The following ADAMTS12 variants were observed in gnomAD, a reference collection of about 807,000 sequenced individuals.
ADAMTS12 encodes the protein ADAM metallopeptidase with thrombospondin type 1 motif 12, also known as A disintegrin and metalloproteinase with thrombospondin motifs 12.
ADAMTS12 carries 118 observed loss-of-function variants against 167.8 expected under a neutral mutation model. The observed-to-expected ratio is 0.70, with a 90% CI of 0.61 to 0.82. The LOEUF (loss-of-function observed/expected upper bound fraction) is 0.82, where lower values mean the gene tolerates loss of function less well. Ranked by LOEUF, ADAMTS12 falls within the 40% of genes least tolerant of loss-of-function variation. ADAMTS12 has a pLI of 0.00. For missense variants in ADAMTS12, 1,916 were observed against 1,998.8 expected (o/e 0.96, Z 0.79); for synonymous variants, 704 against 716.9 (o/e 0.98, Z 0.29).
At chr5:33,797,413 C>G (rs1447834203) in intron 2 of ADAMTS12, among the ~76,000 whole-genome samples, 1 of 125,436 alleles carries the variant, frequency 8.0e-6, no homozygotes, top group African/African-American at 2.7e-5. Flanking sequence ...TGTGTAACTG[C>G]TAGCACTTTG....
In ADAMTS12 at chr5:33,641,911, C is replaced by G; in HGVS notation, c.1617G>C (p.Glu539Asp). 1 of 1,613,752 alleles carries G rather than the reference C, an allele frequency of 6.2e-7. No homozygotes were observed. Among genetic ancestry groups the G allele is most frequent in the Non-Finnish European group, 8.5e-7 (1 of 1,179,746 alleles). ...GKCITVGKKP[E>D]SIPGGWGRWS... ...AGCGGCCCCAGCCTCCAGGAATGCTCTCTGGTTTCTTCCCCACTGTGATGC... is the reference window on the plus strand; with the variant it reads ...AGCGGCCCCAGCCTCCAGGAATGCTGTCTGGTTTCTTCCCCACTGTGATGC... The change falls in exon 11 of 24, where the codon GAG (glutamate) becomes GAC (aspartate). Residue 539 changes from glutamate (E) to aspartate (D), a missense_variant. Glu to Asp is a conservative substitution (Grantham distance 45, BLOSUM62 2). Coordinates refer to ENST00000504830, the MANE Select transcript of ADAMTS12 (RefSeq NM_030955.4).
At chr5:33,724,968 A>G (rs1442958520) in intron 3 of ADAMTS12, among the ~76,000 whole-genome samples, 1 of 152,128 alleles carries the variant, frequency 6.6e-6, no homozygotes, top group East Asian at 1.9e-4. Context: ...TATCCCTTAT[A>G]AGACCTGTCT....
chr5:33,587,176 T>C (rs1747401745), intron 18 of ADAMTS12, among the ~76,000 whole-genome samples: 1 of 152,238 alleles, frequency 6.6e-6, no homozygotes, highest in Admixed American at 6.5e-5. Context: ...AGCTGCTGTA[T>C]TTAAATGAGT....
rs367896456 is a variant in ADAMTS12, at chr5:33,527,216, C to T, written c.4757G>A (p.Arg1586Gln). 58 of 1,613,984 alleles carry T rather than the reference C, an allele frequency of 3.6e-5. No individual in the cohort carries two copies. Among genetic ancestry groups the T allele is most frequent in the Middle Eastern group, 3.3e-4 (2 of 6,084 alleles). ...ITHTQRQRRQ[R>Q]LLQKSKEL ...GAGTTCTTTTGACTTTTGGAGCAAC[C>T]GTTGCCTTCTTTGCCTTTGGGTGTG... The change falls in exon 24 of 24, where the codon CGG (arginine) becomes CAG (glutamine). Residue 1586 changes from arginine to glutamine, a missense_variant. Transcript: ENST00000504830.
intron 2 of ADAMTS12, among the ~76,000 whole-genome samples, chr5:33,834,672 C>CATCCCAT (rs1748439577): frequency 6.6e-6 from 1 of 152,206 alleles, no homozygotes; most frequent in Non-Finnish European, 1.5e-5. Context: ...TCTTAACCAC[C>CATCCCAT]ATCCCATACA....
At chr5:33,878,169 C>T (rs1409191061) in intron 2 of ADAMTS12, among the ~76,000 whole-genome samples, 6 of 152,168 alleles carry the variant, frequency 3.9e-5, no homozygotes, top group East Asian at 1.9e-4. Context: ...CTTTGGACTA[C>T]GACCACTCTA....
At chr5:33,866,820 C>T (rs1019877491) in intron 2 of ADAMTS12, among the ~76,000 whole-genome samples, 3 of 151,548 alleles carry the variant, frequency 2.0e-5, no homozygotes, top group Non-Finnish European at 4.4e-5. Flanking sequence ...AGATAAGTGG[C>T]CAATAAACAT....
rs145679193 is a variant in ADAMTS12 at position 33,579,005 on chromosome 5, G to A, written c.2866-1845C>T. 3.4e-3 allele frequency among the ~76,000 whole-genome samples: 513 copies of A among 152,318 alleles called. 1 individual carries two copies. The highest frequency in any genetic ancestry group is 0.012 in the African/African-American group (484 of 41,578). ...ACAATCATTTCCCACCAAAGTGGGG[G>A]CTACCAACTGCAAGTGTCAGAGCCC... On this transcript the variant is annotated intron_variant, in intron 18 of 23. Coordinates refer to ENST00000504830, the MANE Select transcript of ADAMTS12 (RefSeq NM_030955.4).
intron 2 of ADAMTS12, among the ~76,000 whole-genome samples, chr5:33,830,040 G>T (rs1385787178): frequency 6.6e-6 from 1 of 152,208 alleles, no homozygotes; most frequent in Non-Finnish European, 1.5e-5. Context: ...CTGGAAGACA[G>T]GTCAGTGGCT....
At chr5:33,616,127 C>T (rs921988593) in intron 14 of ADAMTS12, 55 bp from the exon 15 acceptor site, 1 of 1,595,422 alleles carries the variant, frequency 6.3e-7, no homozygotes, top group Non-Finnish European at 8.5e-7. Context: ...CAGCTGAATG[C>T]AATCTGTTTG....
chr5:33,851,057 C>A (rs908968728), intron 2 of ADAMTS12, among the ~76,000 whole-genome samples: 1 of 152,128 alleles, frequency 6.6e-6, no homozygotes, highest in Non-Finnish European at 1.5e-5. Flanking sequence ...CCAGTGCTTG[C>A]GCATGACAGA....
chr5:33,642,573 A>C (rs1740502962), intron 10 of ADAMTS12, among the ~76,000 whole-genome samples: 1 of 152,204 alleles, frequency 6.6e-6, no homozygotes, highest in Non-Finnish European at 1.5e-5. Context: ...TCAAGCAACT[A>C]AGAAAAAATC....
chr5:33,613,212 G>A (rs1738818736), intron 16 of ADAMTS12, among the ~76,000 whole-genome samples: 1 of 152,216 alleles, frequency 6.6e-6, no homozygotes, highest in African/African-American at 2.4e-5. Flanking sequence ...GAGGCAAGAA[G>A]TTTCAGAACA....
chr5:33,541,087 C>T (rs948163584), intron 22 of ADAMTS12, among the ~76,000 whole-genome samples: 1 of 152,078 alleles, frequency 6.6e-6, no homozygotes, highest in Non-Finnish European at 1.5e-5. Flanking sequence ...AAATCTTGGA[C>T]AAAAGGTTAG....
At chr5:33,561,202 TGA>T in intron 19 of ADAMTS12, 23 bp from the exon 20 acceptor site, 1 of 1,608,768 alleles carries the variant, frequency 6.2e-7, no homozygotes, top group Non-Finnish European at 8.5e-7. Flanking sequence ...AGGAGAGAGA[TGA>T]CAGAGGCTGA....
intron 5 of ADAMTS12, among the ~76,000 whole-genome samples, chr5:33,678,550 T>C (rs1015168044): frequency 2.0e-5 from 3 of 152,148 alleles, no homozygotes; most frequent in African/African-American, 7.2e-5. Context: ...ACTGGAGCTG[T>C]GATCTGAGAG....
At chr5:33,638,602 A>G (rs1347608321) in intron 11 of ADAMTS12, among the ~76,000 whole-genome samples, 1 of 152,078 alleles carries the variant, frequency 6.6e-6, no homozygotes, top group Non-Finnish European at 1.5e-5. Flanking sequence ...TCCTTCCTGG[A>G]TTTCCACCAG....
chr5:33,806,111 T>C (rs74667907), intron 2 of ADAMTS12, among the ~76,000 whole-genome samples: 6,601 of 152,290 alleles, frequency 0.043, 495 homozygotes, highest in African/African-American at 0.15. Context: ...TTCTTCCATC[T>C]ACTAGCTACA....
chr5:33,826,873 C>A (rs181358919), intron 2 of ADAMTS12, among the ~76,000 whole-genome samples: 1 of 152,200 alleles, frequency 6.6e-6, no homozygotes, highest in Non-Finnish European at 1.5e-5. Flanking sequence ...GTAGTGAGAC[C>A]TCAGCTACAT....
Sources: gnomAD v4.1 joint callset for allele counts (sites outside exome capture counted in the v4.1 genomes callset) on GRCh38, gnomAD v4.1.1 for gene constraint, MANE v1.5 for transcripts, NCBI Gene and HGNC (gene_info 2026-07-23, HGNC 2026-07-21) for gene names.